The following NOL7 variants were observed in gnomAD, a reference collection of about 807,000 sequenced individuals.
NOL7 encodes the protein U3 small nucleolar RNA-associated protein NOL7.
In NOL7, 36 loss-of-function variants were observed where a neutral mutation model predicts 38.4. That is an observed-to-expected ratio of 0.94 (90% CI 0.72 to 1.24). The LOEUF (loss-of-function observed/expected upper bound fraction) is 1.24, where lower values mean the gene tolerates loss of function less well. Among genes scored for constraint, NOL7 ranks in the 50% most tolerant of loss-of-function variants. The pLI is 0.00. For missense variants in NOL7, 350 were observed against 315.1 expected (o/e 1.11, Z -0.84); for synonymous variants, 142 against 126.5 (o/e 1.12, Z -0.82).
In NOL7 at chr6:13,615,370, C is replaced by T. The variant is rs775772699; in HGVS notation, c.12C>T (p.Leu4=). 6.6e-7 allele frequency: 1 copy of T among 1,509,892 alleles called. No individual in the cohort carries two copies. The highest frequency in any genetic ancestry group is 8.8e-7 in the Non-Finnish European group (1 of 1,131,844). 93.5% of individuals were successfully genotyped at this position (1,509,892 alleles called of 1,614,324 possible). MVQ[L]RPRASRAPAS... ...GCGCTGCGTGGGCCATGGTGCAGCT[C>T]CGACCGCGAGCGTCTCGCGCCCCGG... is the stretch of plus-strand genomic sequence containing the variant. Residue 4 remains leucine, a synonymous_variant, in exon 1 of 8, where the codon CTC becomes CTT. Coordinates refer to ENST00000451315, the MANE Select transcript of NOL7 (RefSeq NM_016167.5).
chr6:13,622,512 A>G, downstream of NOL7: 1 of 1,550,178 alleles, frequency 6.5e-7, no homozygotes, highest in Non-Finnish European at 8.7e-7. Context: ...AATAATTTAA[A>G]AATGAGAACA....
chr6:13,627,630 CAA>C (rs35401168), intron 8 of NOL7, among the ~76,000 whole-genome samples: 7 of 66,402 alleles, frequency 1.1e-4, no homozygotes, highest in African/African-American at 1.2e-4. Flanking sequence ...ACTCCATCTC[CAA>C]AAAAAAAAAA....
chr6:13,617,245 G>GC (rs200867465), intron 3 of NOL7, among the ~76,000 whole-genome samples: 7,328 of 148,164 alleles, frequency 0.049, 522 homozygotes, highest in African/African-American at 0.16. Context: ...CTTCTCATTT[G>GC]CCCCCCCCCA....
intron 3 of NOL7, 66 bp downstream of exon 3, chr6:13,616,587 A>G: frequency 9.5e-7 from 1 of 1,054,716 alleles, no homozygotes; most frequent in Non-Finnish European, 1.4e-6. Flanking sequence ...ATACTGGTAC[A>G]TTTATTTGAA....
chr6:13,626,814 C>T (rs2127758824), intron 8 of NOL7, among the ~76,000 whole-genome samples: 1 of 152,294 alleles, frequency 6.6e-6, no homozygotes. Context: ...CACCCATTTT[C>T]CATCATTTCT....
chr6:13,627,835 C>T (rs1031043739), intron 8 of NOL7, among the ~76,000 whole-genome samples: 2 of 152,036 alleles, frequency 1.3e-5, no homozygotes, highest in Non-Finnish European at 2.9e-5. Flanking sequence ...TACATCCTAA[C>T]ACACCACCGA....
At chr6:13,631,062 C>T (rs369339281) in intron 8 of NOL7, among the ~76,000 whole-genome samples, 2 of 152,180 alleles carry the variant, frequency 1.3e-5, no homozygotes, top group East Asian at 3.8e-4. Flanking sequence ...CCCGCCTCAG[C>T]CTCCCAAAGT....
chr6:13,615,649 G>C (rs1764258073), intron 1 of NOL7, 25 bp downstream of exon 1: 1 of 1,611,922 alleles, frequency 6.2e-7, no homozygotes, highest in South Asian at 1.1e-5. Context: ...GCCCGGCGGG[G>C]AGAACCGCCC....
At chr6:13,617,695 CAAATG>C in intron 3 of NOL7, 70 bp from the exon 4 acceptor site, 1 of 1,412,984 alleles carries the variant, frequency 7.1e-7, no homozygotes, top group Non-Finnish European at 1.0e-6. Context: ...CTTGTAAAGG[CAAATG>C]AAATAATATA....
At chr6:13,616,428 C>T (rs753806443) in intron 2 of NOL7, 35 bp from the exon 3 acceptor site, 1 of 1,491,912 alleles carries the variant, frequency 6.7e-7, no homozygotes, top group Non-Finnish European at 9.3e-7. Flanking sequence ...ATGTACATGA[C>T]TTTCTATTAA....
chr6:13,625,802 G>A, downstream of NOL7: 3 of 1,382,986 alleles, frequency 2.2e-6, no homozygotes, highest in Non-Finnish European at 2.1e-6. Flanking sequence ...AATTCAAATA[G>A]TTCAACTATT....
At chr6:13,625,746 C>T, downstream of NOL7, 1 of 1,608,846 alleles carries the variant, frequency 6.2e-7, no homozygotes, top group Non-Finnish European at 8.5e-7. Context: ...TCTGAATATG[C>T]TAGTAGACTG....
intron 2 of NOL7, 111 bp downstream of exon 2, chr6:13,615,883 A>G (rs1764268790): frequency 3.6e-6 from 4 of 1,109,484 alleles, no homozygotes; most frequent in East Asian, 2.5e-5. Context: ...ACAGTCACCA[A>G]GATTGCCTCT....
chr6:13,629,121 G>T (rs112206907), intron 8 of NOL7, among the ~76,000 whole-genome samples: 1 of 150,982 alleles, frequency 6.6e-6, no homozygotes, highest in African/African-American at 2.4e-5. Context: ...GAGCCTTTTT[G>T]TTTTTTTGAG....
chr6:13,630,890 A>T (rs1216290155), intron 8 of NOL7, among the ~76,000 whole-genome samples: 1 of 151,970 alleles, frequency 6.6e-6, no homozygotes, highest in Non-Finnish European at 1.5e-5. Context: ...GCACAGGCTG[A>T]ACCTGAACTC....
chr6:13,617,755 G>A lies in NOL7; in HGVS notation c.387-15G>A. 1 of 1,610,820 alleles carries A rather than the reference G, an allele frequency of 6.2e-7. No individual in the cohort carries two copies. ...TACTGCCATTGCAGTCAGTGGTTTTGTTTTTTTTCCTTAGCATCAAGAAAT... is the reference window on the plus strand; with the variant it reads ...TACTGCCATTGCAGTCAGTGGTTTTATTTTTTTTCCTTAGCATCAAGAAAT... On this transcript the variant is annotated splice_polypyrimidine_tract_variant and intron_variant, in intron 3 of 7. Transcript: ENST00000451315.
Position 13,621,613 on chromosome 6 carries a change from G to A in NOL7, c.*786G>A, listed in dbSNP as rs924497007. 1 of 152,514 alleles carries A rather than the reference G, an allele frequency of 6.6e-6. No individual in the cohort carries two copies. Among genetic ancestry groups the A allele is most frequent in the African/African-American group, 2.4e-5 (1 of 41,402 alleles). 9.4% of individuals were successfully genotyped at this position (152,514 alleles called of 1,614,324 possible). A position where few individuals can be genotyped will look rare whatever the true frequency, so the allele number is the denominator to read the frequency against. On this transcript the variant is annotated 3_prime_UTR_variant, in exon 8 of 8. Coordinates refer to ENST00000451315, the MANE Select transcript of NOL7 (RefSeq NM_016167.5). ...TGTACAAAGATTAAATTAAGACACG[G>A]TAAATTGACTAAATATTTGGTTTTT...
intron 8 of NOL7, among the ~76,000 whole-genome samples, chr6:13,627,831 C>T (rs775614245): frequency 3.3e-5 from 5 of 151,958 alleles, no homozygotes; most frequent in Non-Finnish European, 5.9e-5. Context: ...AGCCTACATC[C>T]TAACACACCA....
rs1764442252 is a variant in NOL7, at chr6:13,621,473, A to C, written c.*646A>C. 1 of 152,496 alleles carries C rather than the reference A, an allele frequency of 6.6e-6. No homozygotes were observed. Among genetic ancestry groups the C allele is most frequent in the Non-Finnish European group, 1.5e-5 (1 of 68,054 alleles). 9.4% of individuals were successfully genotyped at this position (152,496 alleles called of 1,614,324 possible). On this transcript the variant is annotated 3_prime_UTR_variant, in exon 8 of 8. Transcript: ENST00000451315. ...ATCATAAAAAGTATGCAAGTACCTAATATATAAACTCAATTGACACTGTAT... is the reference window on the plus strand; with the variant it reads ...ATCATAAAAAGTATGCAAGTACCTACTATATAAACTCAATTGACACTGTAT...
Sources: gnomAD v4.1 joint callset for allele counts (sites outside exome capture counted in the v4.1 genomes callset) on GRCh38, gnomAD v4.1.1 for gene constraint, MANE v1.5 for transcripts, NCBI Gene and HGNC (gene_info 2026-07-23, HGNC 2026-07-21) for gene names.